The following GRM7 variants were observed in gnomAD, a reference collection of about 807,000 sequenced individuals.
GRM7 encodes the protein glutamate metabotropic receptor 7, also known as metabotropic glutamate receptor 7.
GRM7 carries 35 observed loss-of-function variants against 84.5 expected under a neutral mutation model. The ratio of observed to expected loss-of-function variants is 0.41; its 90% confidence interval spans 0.32 to 0.55. The LOEUF (loss-of-function observed/expected upper bound fraction) is 0.55, where lower values mean the gene tolerates loss of function less well. GRM7 is among the 20% of genes least tolerant of loss of function. The pLI is 0.19. For synonymous variants in GRM7, 487 were observed against 455.1 expected, an observed-to-expected ratio of 1.07 and a Z score of -0.89; for missense variants, 1,003 against 1,194.6, an observed-to-expected ratio of 0.84 and a Z score of 2.36.
intron 4 of GRM7, among the ~76,000 whole-genome samples, chr3:7,373,023 A>C (rs1308133482): frequency 6.6e-6 from 1 of 152,146 alleles, no homozygotes; most frequent in Non-Finnish European, 1.5e-5. Context: ...GCATATTTGA[A>C]ATCTTTTTGA....
chr3:7,177,524 A>G (rs1188535909), intron 2 of GRM7, among the ~76,000 whole-genome samples: 6 of 134,252 alleles, frequency 4.5e-5, no homozygotes, highest in African/African-American at 1.7e-4. Flanking sequence ...AAAGGAGGGA[A>G]GGAAGGAGGG....
chr3:7,215,312 A>G (rs1696564182), intron 2 of GRM7, among the ~76,000 whole-genome samples: 1 of 152,208 alleles, frequency 6.6e-6, no homozygotes, highest in African/African-American at 2.4e-5. Context: ...TGACTTGAGT[A>G]AATCCCATAG....
chr3:7,496,442 T>TA (rs1699704064), intron 7 of GRM7, among the ~76,000 whole-genome samples: 1 of 152,124 alleles, frequency 6.6e-6, no homozygotes, highest in African/African-American at 2.4e-5. Flanking sequence ...ATATATTTTT[T>TA]AAAAAATGAT....
At chr3:7,537,794 A>T (rs1300193646) in intron 7 of GRM7, among the ~76,000 whole-genome samples, 1 of 152,106 alleles carries the variant, frequency 6.6e-6, no homozygotes, top group Non-Finnish European at 1.5e-5. Context: ...CTAGGCATGC[A>T]GATGTATATC....
chr3:7,328,389 T>A (rs573389199), intron 4 of GRM7, among the ~76,000 whole-genome samples: 63 of 152,314 alleles, frequency 4.1e-4, no homozygotes, highest in Non-Finnish European at 7.5e-4. Flanking sequence ...TCTTCACTGC[T>A]AGGTACTTAA....
At chr3:7,148,536 G>A (rs187242570) in intron 2 of GRM7, among the ~76,000 whole-genome samples, 10 of 152,180 alleles carry the variant, frequency 6.6e-5, no homozygotes, top group Admixed American at 5.9e-4. Context: ...TCCTTGCCTT[G>A]GGATCAAGAT....
At chr3:6,995,059 C>T (rs191913977) in intron 1 of GRM7, among the ~76,000 whole-genome samples, 3 of 50,784 alleles carry the variant, frequency 5.9e-5, no homozygotes, top group Admixed American at 4.6e-4. Context: ...ACTTTCCACA[C>T]GCTCTTATTC....
chr3:7,653,156 C>T (rs549902753), intron 8 of GRM7, among the ~76,000 whole-genome samples: 53 of 131,954 alleles, frequency 4.0e-4, no homozygotes, highest in South Asian at 1.8e-3. Flanking sequence ...TTCTATAGCA[C>T]TTTCCATTGT....
intron 2 of GRM7, among the ~76,000 whole-genome samples, chr3:7,231,359 A>C: frequency 6.6e-6 from 1 of 152,214 alleles, no homozygotes; most frequent in African/African-American, 2.4e-5. Flanking sequence ...GTTTCTTTGA[A>C]ATTTAATCAA....
chr3:7,334,265 C>G (rs1220332983), intron 4 of GRM7, among the ~76,000 whole-genome samples: 4 of 151,986 alleles, frequency 2.6e-5, no homozygotes, highest in Admixed American at 2.0e-4. Flanking sequence ...TCGGCAGAAA[C>G]CCTCCAAGCA....
At chr3:6,966,474 A>C (rs1268131501) in intron 1 of GRM7, among the ~76,000 whole-genome samples, 1 of 152,216 alleles carries the variant, frequency 6.6e-6, no homozygotes, top group Non-Finnish European at 1.5e-5. Flanking sequence ...CTTGCAATGA[A>C]TACATATTCT....
At chr3:7,370,972 G>A (rs1319525661) in intron 4 of GRM7, among the ~76,000 whole-genome samples, 4 of 152,150 alleles carry the variant, frequency 2.6e-5, no homozygotes, top group Admixed American at 6.6e-5. Context: ...GATTTTAGGA[G>A]CCTGATTTGT....
intron 1 of GRM7, among the ~76,000 whole-genome samples, chr3:7,132,375 C>T (rs545409791): frequency 3.3e-4 from 50 of 152,206 alleles, no homozygotes; most frequent in African/African-American, 9.4e-4. Context: ...CACAAGCATA[C>T]GTAGAGCTGG....
At chr3:7,730,164 C>A (rs1393246342) in intron 9 of GRM7, among the ~76,000 whole-genome samples, 1 of 151,564 alleles carries the variant, frequency 6.6e-6, no homozygotes, top group Non-Finnish European at 1.5e-5. Context: ...CCCACCACCA[C>A]ACCTGGCTAA....
intron 1 of GRM7, among the ~76,000 whole-genome samples, chr3:6,922,990 C>A (rs2125033955): frequency 6.6e-6 from 1 of 152,092 alleles, no homozygotes; most frequent in South Asian, 2.1e-4. Flanking sequence ...CAAACATTTT[C>A]TTTTCTTTTC....
intron 2 of GRM7, among the ~76,000 whole-genome samples, chr3:7,284,368 A>C (rs747963534): frequency 1.3e-5 from 2 of 152,034 alleles, no homozygotes; most frequent in African/African-American, 4.8e-5. Flanking sequence ...AATACTAACA[A>C]TCAAGATAAA....
chr3:7,118,729 G>A (rs1395059136), intron 1 of GRM7, among the ~76,000 whole-genome samples: 1 of 151,906 alleles, frequency 6.6e-6, no homozygotes, highest in Admixed American at 6.6e-5. Flanking sequence ...AAGACAATGA[G>A]CCAGTGCCTC....
intron 9 of GRM7, among the ~76,000 whole-genome samples, chr3:7,711,921 G>C (rs907984487): frequency 1.3e-5 from 2 of 152,196 alleles, no homozygotes; most frequent in African/African-American, 4.8e-5. Flanking sequence ...CTAAACCAAT[G>C]AATAGCCCAA....
intron 1 of GRM7, among the ~76,000 whole-genome samples, chr3:6,945,220 A>G (rs965923893): frequency 2.6e-5 from 1 of 38,582 alleles, no homozygotes; most frequent in Non-Finnish European, 5.6e-5. Flanking sequence ...GCCTCCCCCC[A>G]CCCCACAACA....
Sources: gnomAD v4.1 joint callset for allele counts (sites outside exome capture counted in the v4.1 genomes callset) on GRCh38, gnomAD v4.1.1 for gene constraint, MANE v1.5 for transcripts, NCBI Gene and HGNC (gene_info 2026-07-23, HGNC 2026-07-21) for gene names.